The following FAF1 variants were observed in gnomAD, a reference collection of about 807,000 sequenced individuals.
FAF1 encodes Fas associated factor 1.
A neutral mutation model predicts 92.5 loss-of-function variants in FAF1; 25 were observed. The ratio of observed to expected loss-of-function variants is 0.27; its 90% CI spans 0.20 to 0.38. The LOEUF is 0.38. Ranked by LOEUF, FAF1 falls within the 10% of genes least tolerant of loss-of-function variation. FAF1 has a pLI of 1.00. For missense variants in FAF1, 636 were observed against 793.3 expected (o/e 0.80, Z 2.38); for synonymous variants, 234 against 273.2 (o/e 0.86, Z 1.42).
At chr1:50,514,025 G>A (rs1014789354) in intron 15 of FAF1, among the ~76,000 whole-genome samples, 1 of 152,102 alleles carries the variant, frequency 6.6e-6, no homozygotes, top group Non-Finnish European at 1.5e-5. Flanking sequence ...GATTTTCCTG[G>A]GTGTGTAAGG....
At chr1:50,556,933 T>C (rs539341195) in intron 13 of FAF1, among the ~76,000 whole-genome samples, 9 of 152,180 alleles carry the variant, frequency 5.9e-5, no homozygotes, top group Admixed American at 2.0e-4. Context: ...TGACACATTT[T>C]AATGTGTACA....
At chr1:50,799,909 T>C (rs1435769977) in intron 3 of FAF1, among the ~76,000 whole-genome samples, 1 of 152,170 alleles carries the variant, frequency 6.6e-6, no homozygotes, top group East Asian at 1.9e-4. Context: ...CTCTGGTCAG[T>C]AGACATACAA....
intron 15 of FAF1, among the ~76,000 whole-genome samples, chr1:50,493,176 G>A (rs1646860561): frequency 6.6e-6 from 1 of 151,752 alleles, no homozygotes; most frequent in Non-Finnish European, 1.5e-5. Context: ...GGGATTACAC[G>A]CACCCGACAT....
At chr1:50,775,072 A>G (rs887909670) in intron 4 of FAF1, among the ~76,000 whole-genome samples, 1 of 152,088 alleles carries the variant, frequency 6.6e-6, no homozygotes, top group African/African-American at 2.4e-5. Flanking sequence ...ATCTCTTTGC[A>G]TTGTATTATT....
chr1:50,894,986 C>T (rs191624973), intron 1 of FAF1, among the ~76,000 whole-genome samples: 53 of 151,914 alleles, frequency 3.5e-4, no homozygotes, highest in Admixed American at 9.2e-4. Flanking sequence ...GAAAAATAAA[C>T]GCAAACCAAG....
intron 18 of FAF1, among the ~76,000 whole-genome samples, chr1:50,461,749 T>C (rs12745811): frequency 3.3e-4 from 50 of 152,210 alleles, no homozygotes; most frequent in Admixed American, 5.9e-4. Flanking sequence ...ATATTTCTAA[T>C]TGAACACCAC....
At chr1:50,497,800 G>A (rs924584450) in intron 15 of FAF1, among the ~76,000 whole-genome samples, 3 of 151,724 alleles carry the variant, frequency 2.0e-5, no homozygotes, top group East Asian at 1.9e-4. Flanking sequence ...CACCTGCCTC[G>A]GCCTCCCAAA....
At chr1:50,897,255 T>C (rs1456740187) in intron 1 of FAF1, among the ~76,000 whole-genome samples, 1 of 152,230 alleles carries the variant, frequency 6.6e-6, no homozygotes, top group African/African-American at 2.4e-5. Context: ...CTCATATCAC[T>C]ACCCCCTTAT....
chr1:50,543,172 TA>T (rs1648838221), intron 13 of FAF1, among the ~76,000 whole-genome samples: 1 of 152,200 alleles, frequency 6.6e-6, no homozygotes, highest in South Asian at 2.1e-4. Flanking sequence ...TAATCTTGTT[TA>T]AATTCAAAAC....
At chr1:50,908,264 C>A (rs1009611710) in intron 1 of FAF1, among the ~76,000 whole-genome samples, 7 of 152,180 alleles carry the variant, frequency 4.6e-5, no homozygotes, top group Non-Finnish European at 8.8e-5. Context: ...TGTTCTTTTA[C>A]ATTTGCTGAG....
At position 50,674,012 on chromosome 1, in the gene FAF1, A is replaced by G. The variant is rs369208892; in HGVS notation, c.658-18484T>C. Among the ~76,000 whole-genome samples, 28 of 151,438 alleles carry G rather than the reference A, an allele frequency of 1.8e-4. No homozygotes were observed. The South Asian group carries it at 4.6e-3, about 25-fold the overall frequency. The stretch of plus-strand genomic sequence containing the variant: ...GTCACCCAGGCTGGAGTGCAGTGGC[A>G]TGATCTCGGCTCACTGCAACCTCCG... On this transcript the variant is annotated intron_variant, in intron 7 of 18. Coordinates refer to ENST00000396153, the MANE Select transcript of FAF1 (RefSeq NM_007051.3).
At chr1:50,748,814 A>G (rs72690485) in intron 4 of FAF1, among the ~76,000 whole-genome samples, 2,024 of 152,346 alleles carry the variant, frequency 0.013, 18 homozygotes, top group Middle Eastern at 0.02. Context: ...ATTATATTAC[A>G]TATTAAAAGA....
intron 13 of FAF1, among the ~76,000 whole-genome samples, chr1:50,563,099 G>C (rs1298599165): frequency 6.6e-6 from 1 of 152,180 alleles, no homozygotes; most frequent in Non-Finnish European, 1.5e-5. Flanking sequence ...TTTTCTATCA[G>C]GGACTTGAGT....
intron 1 of FAF1, among the ~76,000 whole-genome samples, chr1:50,909,961 T>C (rs1182260773): frequency 6.6e-6 from 1 of 152,240 alleles, no homozygotes; most frequent in Non-Finnish European, 1.5e-5. Context: ...AGAGGCACTC[T>C]GATTTTTAGA....
intron 7 of FAF1, among the ~76,000 whole-genome samples, chr1:50,677,454 T>C (rs1239865108): frequency 2.0e-5 from 3 of 152,204 alleles, no homozygotes; most frequent in Non-Finnish European, 4.4e-5. Context: ...CATTTCTGAA[T>C]TCCTGAGTCA....
At chr1:50,674,331 A>G (rs963403727) in intron 7 of FAF1, among the ~76,000 whole-genome samples, 2 of 151,940 alleles carry the variant, frequency 1.3e-5, no homozygotes, top group African/African-American at 4.8e-5. Context: ...TTTTCTGTAG[A>G]TCATCCCCTC....
At chr1:50,466,039 A>G (rs1646490180) in intron 18 of FAF1, among the ~76,000 whole-genome samples, 1 of 150,382 alleles carries the variant, frequency 6.6e-6, no homozygotes, top group Non-Finnish European at 1.5e-5. Flanking sequence ...GATTTGCCTT[A>G]TTAAAAAAAA....
intron 5 of FAF1, among the ~76,000 whole-genome samples, chr1:50,740,216 AG>A (rs1165929169): frequency 6.6e-6 from 1 of 152,142 alleles, no homozygotes; most frequent in Non-Finnish European, 1.5e-5. Context: ...AAAATAAAGC[AG>A]GGAAGGGGGG....
intron 2 of FAF1, among the ~76,000 whole-genome samples, chr1:50,821,961 G>C (rs549515302): frequency 3.3e-5 from 5 of 152,074 alleles, no homozygotes; most frequent in African/African-American, 1.2e-4. Flanking sequence ...TTACAGATAA[G>C]ATGAGGAGAC....
Sources: gnomAD v4.1 joint callset for allele counts (sites outside exome capture counted in the v4.1 genomes callset) on GRCh38, gnomAD v4.1.1 for gene constraint, MANE v1.5 for transcripts, NCBI Gene and HGNC (gene_info 2026-07-23, HGNC 2026-07-21) for gene names.